Variants in CHEK2 observed in about 807,000 individuals in gnomAD.
The protein encoded by CHEK2 is checkpoint kinase 2.
A neutral mutation model predicts 69.1 loss-of-function variants in CHEK2; 71 were observed. The observed-to-expected ratio is 1.03, with a 90% CI of 0.85 to 1.25. CHEK2 has a LOEUF of 1.25. CHEK2 is among the 50% of genes most tolerant of loss of function. The probability of loss-of-function intolerance (pLI) is 0.00; values close to 1 mark genes in which losing one functional copy is unlikely to be tolerated. For missense variants in CHEK2, 664 were observed against 649.6 expected (o/e 1.02, Z -0.24); for synonymous variants, 189 against 226.9 (o/e 0.83, Z 1.50).
intron 5 of CHEK2, among the ~76,000 whole-genome samples, chr22:28,714,542 C>T (rs1344758250): frequency 6.6e-6 from 1 of 152,092 alleles, no homozygotes; most frequent in Non-Finnish European, 1.5e-5. Flanking sequence ...GACATAAGCC[C>T]TTATCAGATA....
At chr22:28,734,306 C>A in intron 2 of CHEK2, 97 bp downstream of exon 2, 2 of 1,204,396 alleles carry the variant, frequency 1.7e-6, no homozygotes, top group Admixed American at 2.1e-5. Context: ...GTGCCAAAAA[C>A]CTGGACAACT....
chr22:28,737,177 G>A (rs191738834), intron 1 of CHEK2: 13 of 392,670 alleles, frequency 3.3e-5, no homozygotes, highest in Non-Finnish European at 5.7e-5. Context: ...CTGAAACCTC[G>A]CATAGTACAG....
chr22:28,710,003 T>C lies in CHEK2; in HGVS notation c.846+3A>G, dbSNP rs1476026799. ...TAAGTATGAGTCATATAATAATACT[T>C]ACATGATTTAGCTTTTTCAAAATTT... On this transcript the variant is annotated splice_donor_region_variant and intron_variant, in intron 7 of 14. Transcript: ENST00000404276. 2 of 1,468,656 alleles carry C rather than the reference T, an allele frequency of 1.4e-6. No homozygotes were observed. The highest frequency in any genetic ancestry group is 1.9e-6 in the Non-Finnish European group (2 of 1,050,396). The allele number at this position is 1,468,656 out of a possible 1,614,324, so 91.0% of individuals were successfully genotyped here. A position where few individuals can be genotyped will look rare whatever the true frequency, so the allele number is the denominator to read the frequency against.
At chr22:28,716,101 G>A (rs919272881) in intron 5 of CHEK2, among the ~76,000 whole-genome samples, 1 of 151,784 alleles carries the variant, frequency 6.6e-6, no homozygotes, top group Non-Finnish European at 1.5e-5. Flanking sequence ...TTGAACTCCT[G>A]GACTCAAGTG....
At chr22:28,700,903 C>A (rs1275460827) in intron 8 of CHEK2, among the ~76,000 whole-genome samples, 2 of 152,086 alleles carry the variant, frequency 1.3e-5, no homozygotes, top group Non-Finnish European at 2.9e-5. Flanking sequence ...GATTCTCCTG[C>A]CTCAGCCTCC....
chr22:28,736,397 G>A (rs964736317), intron 1 of CHEK2, among the ~76,000 whole-genome samples: 1 of 152,134 alleles, frequency 6.6e-6, no homozygotes, highest in Admixed American at 6.6e-5. Flanking sequence ...AAACACACCT[G>A]TTCGTTCAAT....
intron 7 of CHEK2, among the ~76,000 whole-genome samples, chr22:28,706,163 T>C (rs1446583383): frequency 2.0e-5 from 3 of 151,806 alleles, no homozygotes; most frequent in Non-Finnish European, 2.9e-5. Context: ...TAGCTGAGTG[T>C]GGTAGCACGA....
At chr22:28,741,585 G>A (rs1569179930) in intron 1 of CHEK2, among the ~76,000 whole-genome samples, 184 bp downstream of exon 1, 1 of 152,118 alleles carries the variant, frequency 6.6e-6, no homozygotes, top group South Asian at 2.1e-4. Context: ...CAGCTTGCAA[G>A]TAATACGGGA....
intron 1 of CHEK2, 95 bp from the exon 2 acceptor site, chr22:28,734,822 A>AAAT: frequency 3.2e-6 from 3 of 950,398 alleles, no homozygotes; most frequent in Non-Finnish European, 3.1e-6. Context: ...CAGCAAAAGA[A>AAAT]AAGAAAAAAA....
At position 28,704,127 on chromosome 22, in the gene CHEK2, C is replaced by G. The variant is rs1349899716; in HGVS notation, c.847-561G>C. 9.2e-3 allele frequency among the ~76,000 whole-genome samples: 504 copies of G among 55,044 alleles called. 4 individuals carry two copies. Among genetic ancestry groups the G allele is most frequent in the South Asian group, 0.039 (49 of 1,270 alleles). The allele number at this position is 55,044 out of a possible 152,430, so 36.1% of individuals were successfully genotyped here. A position where few individuals can be genotyped will look rare whatever the true frequency, so the allele number is the denominator to read the frequency against. On this transcript the variant is annotated intron_variant, in intron 7 of 14. Transcript: ENST00000404276. Reference sequence around the variant, plus strand: ...GCAGAGAGAGAGACAGACAGACACACACACACACACACACACACACACACA... The same window carrying G: ...GCAGAGAGAGAGACAGACAGACACAGACACACACACACACACACACACACA...
intron 8 of CHEK2, among the ~76,000 whole-genome samples, chr22:28,700,298 G>C (rs1434345034): frequency 1.4e-5 from 2 of 144,522 alleles, no homozygotes; most frequent in African/African-American, 5.1e-5. Flanking sequence ...TGCAACCTCC[G>C]CTTCCCAGGT....
rs757016287 is a variant in CHEK2 at position 28,734,701 on chromosome 22, AACATCCG to A, written c.14_20del (p.Ser5LeufsTer54). 1 of 1,613,890 alleles carries A rather than the reference AACATCCG, an allele frequency of 6.2e-7. No individual in the cohort carries two copies. The highest frequency in any genetic ancestry group is 8.5e-7 in the Non-Finnish European group (1 of 1,180,032). On this transcript the variant is annotated frameshift_variant, in exon 2 of 15. Coordinates refer to ENST00000404276, the MANE Select transcript of CHEK2 (RefSeq NM_007194.4). LOFTEE classifies it high-confidence loss of function. ...TGCTGCCATGAGACTGCTGAGCCTC[AACATCCG>A]ACTCCCGAGACATCACGACCTCAAA...
chr22:28,718,468 T>C (rs2053658255), intron 5 of CHEK2, among the ~76,000 whole-genome samples: 1 of 152,162 alleles, frequency 6.6e-6, no homozygotes. Flanking sequence ...GTTGAAGAGA[T>C]ATCTGCACTC....
intron 4 of CHEK2, among the ~76,000 whole-genome samples, chr22:28,723,321 G>A (rs560152830): frequency 7.2e-5 from 11 of 152,266 alleles, no homozygotes; most frequent in Non-Finnish European, 1.3e-4. Context: ...TCAATAGGCC[G>A]GGCGCGGTGG....
At chr22:28,713,088 G>A (rs1419807441) in intron 5 of CHEK2, among the ~76,000 whole-genome samples, 1 of 152,154 alleles carries the variant, frequency 6.6e-6, no homozygotes, top group East Asian at 1.9e-4. Flanking sequence ...CATACAATAT[G>A]TAGCCTTTCG....
At chr22:28,715,069 T>C (rs909251929) in intron 5 of CHEK2, among the ~76,000 whole-genome samples, 3 of 152,206 alleles carry the variant, frequency 2.0e-5, no homozygotes, top group African/African-American at 7.2e-5. Context: ...AGCAACACCC[T>C]GTCATTCATT....
intron 5 of CHEK2, among the ~76,000 whole-genome samples, chr22:28,712,540 G>C (rs117415751): frequency 6.6e-6 from 1 of 152,090 alleles, no homozygotes; most frequent in Non-Finnish European, 1.5e-5. Flanking sequence ...GAAACCAAAC[G>C]TATTACACAA....
intron 5 of CHEK2, among the ~76,000 whole-genome samples, chr22:28,714,296 T>C (rs2053514283): frequency 6.6e-6 from 1 of 152,200 alleles, no homozygotes; most frequent in African/African-American, 2.4e-5. Flanking sequence ...GTGGTTTTGA[T>C]TTGTATTGCC....
At chr22:28,723,606 A>AG (rs1488174121) in intron 4 of CHEK2, among the ~76,000 whole-genome samples, 1 of 147,250 alleles carries the variant, frequency 6.8e-6, no homozygotes, top group Non-Finnish European at 1.5e-5. Context: ...ACAAGGAAAA[A>AG]AAAAGAAAAA....
Sources: gnomAD v4.1 joint callset for allele counts (sites outside exome capture counted in the v4.1 genomes callset) on GRCh38, gnomAD v4.1.1 for gene constraint, MANE v1.5 for transcripts, NCBI Gene and HGNC (gene_info 2026-07-23, HGNC 2026-07-21) for gene names.